SAMD4A: variants seen among roughly 807,000 people sequenced by gnomAD.
SAMD4A encodes sterile alpha motif domain containing 4A, also known as protein Smaug homolog 1.
Under a neutral mutation model 81.3 loss-of-function variants are expected in SAMD4A, and 33 were observed. The observed-to-expected ratio is 0.41, with a 90% CI of 0.31 to 0.54. The LOEUF is 0.54. SAMD4A is among the 20% of genes least tolerant of loss of function. The pLI is 0.37. For synonymous variants in SAMD4A, 389 were observed against 382.1 expected (o/e 1.02, Z -0.21); for missense variants, 854 against 951.1 (o/e 0.90, Z 1.34).
At chr14:54,679,751 T>C (rs1435751867) in intron 2 of SAMD4A, among the ~76,000 whole-genome samples, 1 of 152,238 alleles carries the variant, frequency 6.6e-6, no homozygotes, top group Non-Finnish European at 1.5e-5. Context: ...CCAAGTGCTG[T>C]GTCCCTGAGG....
intron 2 of SAMD4A, among the ~76,000 whole-genome samples, chr14:54,583,950 C>T (rs1479247268): frequency 1.3e-5 from 2 of 152,080 alleles, no homozygotes; most frequent in African/African-American, 4.8e-5. Flanking sequence ...TAATTTTCTC[C>T]ACCAGTGTAG....
chr14:54,720,164 A>G lies in SAMD4A; in HGVS notation c.716-16860A>G, dbSNP rs926580249. ...TTAGATCTCTGCTATCATATTTTCA[A>G]ATTCCGAGAGTTCTTTTTTGTCTTT... is the stretch of plus-strand genomic sequence containing the variant. On this transcript the variant is annotated intron_variant, in intron 3 of 12. Transcript: ENST00000554335. 1.1e-4 allele frequency among the ~76,000 whole-genome samples: 16 copies of G among 152,268 alleles called. No homozygotes were observed. The East Asian group carries it at 3.1e-3, about 29-fold the overall frequency.
chr14:54,647,548 T>C (rs1035758591), intron 2 of SAMD4A, among the ~76,000 whole-genome samples: 5 of 152,222 alleles, frequency 3.3e-5, no homozygotes, highest in Admixed American at 6.5e-5. Context: ...ATAGTCAACA[T>C]GTTAAGTACA....
chr14:54,673,666 G>C (rs986759545), intron 2 of SAMD4A, among the ~76,000 whole-genome samples: 2 of 152,216 alleles, frequency 1.3e-5, no homozygotes, highest in Non-Finnish European at 2.9e-5. Context: ...CTGTGGGCAG[G>C]GGTGGGAGGG....
At chr14:54,762,058 C>G (rs1220303926) in intron 7 of SAMD4A, among the ~76,000 whole-genome samples, 1 of 152,208 alleles carries the variant, frequency 6.6e-6, no homozygotes. Flanking sequence ...TAGGCCTTCC[C>G]ACAGACCATC....
At chr14:54,668,582 G>T (rs2035805209) in intron 2 of SAMD4A, among the ~76,000 whole-genome samples, 1 of 152,100 alleles carries the variant, frequency 6.6e-6, no homozygotes, top group Admixed American at 6.5e-5. Flanking sequence ...CTTGGGCAAA[G>T]ACTACATCCT....
chr14:54,569,805 A>C (rs2033075614), intron 2 of SAMD4A, among the ~76,000 whole-genome samples: 1 of 152,208 alleles, frequency 6.6e-6, no homozygotes, highest in African/African-American at 2.4e-5. Context: ...GGACTGTTCA[A>C]ACTCATCTTT....
intron 7 of SAMD4A, among the ~76,000 whole-genome samples, chr14:54,762,760 C>A (rs781299430): frequency 5.3e-5 from 8 of 152,222 alleles, no homozygotes; most frequent in Non-Finnish European, 8.8e-5. Context: ...TCCCCCAACC[C>A]CAAACCCTGC....
At chr14:54,637,365 C>CAAAAAAAAAA (rs1172084217) in intron 2 of SAMD4A, among the ~76,000 whole-genome samples, 2 of 63,788 alleles carry the variant, frequency 3.1e-5, no homozygotes, top group Non-Finnish European at 5.5e-5. Context: ...AACTCCATCT[C>CAAAAAAAAAA]AAAAAAAAAA....
At chr14:54,757,383 T>TGTG (rs1429967616) in intron 6 of SAMD4A, among the ~76,000 whole-genome samples, 56 of 140,156 alleles carry the variant, frequency 4.0e-4, no homozygotes, top group African/African-American at 1.5e-3. Context: ...GTTTCTTTAT[T>TGTG]TGTGTGTGTG....
chr14:54,626,068 G>GCA (rs1300816095), intron 2 of SAMD4A, among the ~76,000 whole-genome samples: 3 of 110,600 alleles, frequency 2.7e-5, no homozygotes, highest in East Asian at 4.4e-4. Context: ...GTGCGCGCGC[G>GCA]CGCGCGCGAG....
intron 2 of SAMD4A, among the ~76,000 whole-genome samples, chr14:54,581,882 CT>C (rs1198501976): frequency 6.6e-6 from 1 of 152,164 alleles, no homozygotes; most frequent in Non-Finnish European, 1.5e-5. Flanking sequence ...TTATGCTTTG[CT>C]TTTTGTTCTA....
At chr14:54,779,530 G>C (rs1217067896) in intron 11 of SAMD4A, among the ~76,000 whole-genome samples, 3 of 152,140 alleles carry the variant, frequency 2.0e-5, no homozygotes, top group African/African-American at 7.2e-5. Context: ...AGAAGACAGA[G>C]GGCTAGAACC....
chr14:54,628,396 T>C (rs1401736586), intron 2 of SAMD4A, among the ~76,000 whole-genome samples: 1 of 152,118 alleles, frequency 6.6e-6, no homozygotes, highest in African/African-American at 2.4e-5. Context: ...GGAAGGGAAT[T>C]GAATAATGGC....
chr14:54,723,599 T>A (rs184404572), intron 3 of SAMD4A, among the ~76,000 whole-genome samples: 38 of 152,354 alleles, frequency 2.5e-4, no homozygotes, highest in Non-Finnish European at 4.6e-4. Context: ...AATTTTTACA[T>A]CCTTCAGCAA....
intron 2 of SAMD4A, among the ~76,000 whole-genome samples, chr14:54,673,394 A>G (rs1268281537): frequency 6.6e-6 from 1 of 152,250 alleles, no homozygotes; most frequent in Admixed American, 6.5e-5. Flanking sequence ...TGGTGCTTCC[A>G]AAGTTAGAAA....
At chr14:54,591,056 C>T (rs2033760927) in intron 2 of SAMD4A, among the ~76,000 whole-genome samples, 1 of 152,130 alleles carries the variant, frequency 6.6e-6, no homozygotes, top group Non-Finnish European at 1.5e-5. Context: ...TCAGAGGTAG[C>T]ATGCAAAGAG....
chr14:54,591,551 T>G lies in SAMD4A; in HGVS notation c.196+23439T>G, dbSNP rs150578470. Among the ~76,000 whole-genome samples, 1,387 of 152,242 alleles carry G rather than the reference T, an allele frequency of 9.1e-3. 14 individuals carry two copies. Among genetic ancestry groups the G allele is most frequent in the Admixed American group, 0.025 (375 of 15,288 alleles). On this transcript the variant is annotated intron_variant, in intron 2 of 12. Coordinates refer to ENST00000554335, the MANE Select transcript of SAMD4A (RefSeq NM_015589.6). The stretch of plus-strand genomic sequence containing the variant: ...TGTTTTTTTTTTTTTGTTTTGTTTT[T>G]TTTGAGACTTTACCAGGAGTTGTTT...
intron 4 of SAMD4A, among the ~76,000 whole-genome samples, chr14:54,738,873 C>T (rs148543082): frequency 1.9e-3 from 289 of 152,110 alleles, no homozygotes; most frequent in African/African-American, 5.4e-3. Flanking sequence ...GCCTGTGTTG[C>T]GGTTCTAGTT....
Sources: allele counts gnomAD v4.1 joint callset (sites outside exome capture counted in the v4.1 genomes callset), GRCh38; gene constraint gnomAD v4.1.1; transcripts MANE v1.5; gene names NCBI Gene and HGNC (gene_info 2026-07-23, HGNC 2026-07-21).